Variants in ERC2 observed in about 807,000 individuals in gnomAD.
ERC2 encodes ERC protein 2.
ERC2 carries 42 observed loss-of-function variants against 114.8 expected under a neutral mutation model. The ratio of observed to expected loss-of-function variants is 0.37; its 90% CI spans 0.29 to 0.47. The LOEUF (loss-of-function observed/expected upper bound fraction) is 0.47, where lower values mean the gene tolerates loss of function less well. ERC2 is among the 20% of genes least tolerant of loss of function. ERC2 has a pLI of 0.99. For missense variants in ERC2, 939 were observed against 1,150.7 expected (o/e 0.82, Z 2.66); for synonymous variants, 454 against 425.5 (o/e 1.07, Z -0.82).
chr3:55,801,803 C>A (rs1261224293), intron 14 of ERC2, among the ~76,000 whole-genome samples: 1 of 152,178 alleles, frequency 6.6e-6, no homozygotes, highest in Non-Finnish European at 1.5e-5. Flanking sequence ...AAACCAAGTA[C>A]AAGGCTCTTC....
intron 14 of ERC2, among the ~76,000 whole-genome samples, chr3:55,779,641 C>CA (rs1024133382): frequency 1.3e-3 from 192 of 151,642 alleles, no homozygotes; most frequent in African/African-American, 4.0e-3. Context: ...GCAACACTTG[C>CA]AAAAAAAACC....
intron 14 of ERC2, among the ~76,000 whole-genome samples, chr3:55,792,099 G>A (rs1467643812): frequency 6.6e-6 from 1 of 152,184 alleles, no homozygotes; most frequent in Non-Finnish European, 1.5e-5. Flanking sequence ...CTTGGTGGAA[G>A]TCAACAGATA....
chr3:56,087,137 T>C (rs2077545131), intron 6 of ERC2, among the ~76,000 whole-genome samples: 1 of 151,942 alleles, frequency 6.6e-6, no homozygotes, highest in Non-Finnish European at 1.5e-5. Flanking sequence ...ACTAGGACAA[T>C]CTTTCCATTT....
chr3:55,735,105 C>A (rs767086662), intron 14 of ERC2, among the ~76,000 whole-genome samples, 187 bp from the exon 15 acceptor site: 1 of 152,150 alleles, frequency 6.6e-6, no homozygotes, highest in African/African-American at 2.4e-5. Flanking sequence ...ATCCCTGAGA[C>A]TGCACACTGC....
intron 14 of ERC2, among the ~76,000 whole-genome samples, chr3:55,792,543 C>A (rs2070127414): frequency 6.6e-6 from 1 of 152,182 alleles, no homozygotes; most frequent in African/African-American, 2.4e-5. Context: ...CTTCAATAAA[C>A]ATTTGTTTAA....
chr3:55,900,973 A>T (rs1403963141), intron 13 of ERC2, among the ~76,000 whole-genome samples: 2 of 152,210 alleles, frequency 1.3e-5, no homozygotes, highest in African/African-American at 4.8e-5. Context: ...CCAGGATGTA[A>T]GACTGATTGT....
intron 17 of ERC2, among the ~76,000 whole-genome samples, chr3:55,560,795 A>G (rs1370620416): frequency 6.6e-6 from 1 of 152,198 alleles, no homozygotes; most frequent in East Asian, 1.9e-4. Context: ...AATGAGAAAA[A>G]TCTGTCATTT....
chr3:55,687,494 G>A (rs2062395227), intron 16 of ERC2, among the ~76,000 whole-genome samples: 1 of 152,040 alleles, frequency 6.6e-6, no homozygotes, highest in African/African-American at 2.4e-5. Flanking sequence ...GTCCTAGAAA[G>A]GAAAGCAAGT....
chr3:55,794,226 C>T (rs2070291446), intron 14 of ERC2, among the ~76,000 whole-genome samples: 1 of 152,178 alleles, frequency 6.6e-6, no homozygotes, highest in Non-Finnish European at 1.5e-5. Flanking sequence ...CTTTTGCTAT[C>T]TGGTGCCAGG....
At chr3:56,240,019 G>A (rs541271142) in intron 3 of ERC2, among the ~76,000 whole-genome samples, 3 of 152,274 alleles carry the variant, frequency 2.0e-5, no homozygotes, top group East Asian at 1.9e-4. Flanking sequence ...AAACCTTCCC[G>A]AGTTTGCCTA....
At chr3:56,027,098 C>T (rs2074100658) in intron 7 of ERC2, among the ~76,000 whole-genome samples, 1 of 152,200 alleles carries the variant, frequency 6.6e-6, no homozygotes, top group South Asian at 2.1e-4. Context: ...TTTTTTCACT[C>T]TGCATAATTC....
At chr3:55,912,581 C>A (rs915906282) in intron 13 of ERC2, among the ~76,000 whole-genome samples, 1 of 152,238 alleles carries the variant, frequency 6.6e-6, no homozygotes, top group African/African-American at 2.4e-5. Flanking sequence ...AATAAAGAGC[C>A]ATTCTAATTT....
intron 13 of ERC2, among the ~76,000 whole-genome samples, chr3:55,934,294 G>A (rs531905478): frequency 6.6e-6 from 1 of 152,300 alleles, no homozygotes; most frequent in East Asian, 1.9e-4. Context: ...AGAGTTTCGA[G>A]TTAAAACATA....
In ERC2 at chr3:56,118,631, CT is replaced by C. The variant is rs1042585991; in HGVS notation, c.1473+20877del. 1.4e-3 allele frequency among the ~76,000 whole-genome samples: 193 copies of C among 138,054 alleles called. 1 individual carries two copies. The Middle Eastern group carries it at 0.019, about 14-fold the overall frequency. The allele number at this position is 138,054 out of a possible 152,430, so 90.6% of individuals were successfully genotyped here. ...TCTAAGGAAGTTCACACTAATATTC[CT>C]TTTCTTTTTTTTTTTTTTTTTTGAG... On this transcript the variant is annotated intron_variant, in intron 6 of 17. Transcript: ENST00000288221.
chr3:56,161,007 G>A (rs970578219), intron 4 of ERC2, among the ~76,000 whole-genome samples: 1 of 152,164 alleles, frequency 6.6e-6, no homozygotes, highest in African/African-American at 2.4e-5. Flanking sequence ...CAATGTTGGA[G>A]GTGGGGCCTG....
intron 13 of ERC2, among the ~76,000 whole-genome samples, chr3:55,895,566 C>T (rs567554697): frequency 2.6e-5 from 4 of 152,338 alleles, no homozygotes; most frequent in African/African-American, 7.2e-5. Flanking sequence ...TGCCTGCACC[C>T]ATTCTGCACA....
intron 2 of ERC2, among the ~76,000 whole-genome samples, chr3:56,393,108 C>T (rs574287171): frequency 5.3e-5 from 8 of 152,278 alleles, no homozygotes; most frequent in Admixed American, 4.6e-4. Context: ...AGCTAAAATG[C>T]CATTCCTGGC....
chr3:55,559,509 A>G (rs920515617), intron 17 of ERC2, among the ~76,000 whole-genome samples: 14 of 152,222 alleles, frequency 9.2e-5, no homozygotes, highest in African/African-American at 3.4e-4. Context: ...CCACCATGCT[A>G]CAAATCAAAT....
intron 17 of ERC2, among the ~76,000 whole-genome samples, chr3:55,627,329 G>A (rs184674650): frequency 6.6e-6 from 1 of 152,264 alleles, no homozygotes; most frequent in Non-Finnish European, 1.5e-5. Context: ...AGTCAGGCAT[G>A]ATGGTGGGTG....
Sources: gnomAD v4.1 joint callset for allele counts (sites outside exome capture counted in the v4.1 genomes callset) on GRCh38, gnomAD v4.1.1 for gene constraint, MANE v1.5 for transcripts, NCBI Gene and HGNC (gene_info 2026-07-23, HGNC 2026-07-21) for gene names.